Variants in ECT2L observed in about 807,000 individuals in gnomAD.
ECT2L encodes epithelial cell-transforming sequence 2 oncogene-like.
Under a neutral mutation model 122.8 loss-of-function variants are expected in ECT2L, and 126 were observed. The observed-to-expected ratio is 1.03, with a 90% CI of 0.89 to 1.19. ECT2L has a LOEUF of 1.19. ECT2L is among the 50% of genes most tolerant of loss of function. The probability of loss-of-function intolerance (pLI) is 0.00; values close to 1 mark genes in which losing one functional copy is unlikely to be tolerated. For missense variants in ECT2L, 1,012 were observed against 1,064.1 expected, an observed-to-expected ratio of 0.95 and a Z score of 0.68; for synonymous variants, 385 against 381.8, an observed-to-expected ratio of 1.01 and a Z score of -0.10.
At chr6:138,888,898 TA>T (rs758068432) in intron 19 of ECT2L, 44 bp from the exon 20 acceptor site, 14 of 1,070,102 alleles carry the variant, frequency 1.3e-5, no homozygotes, top group Middle Eastern at 3.0e-4. Flanking sequence ...TAATTTTATT[TA>T]AAAAAATTTA....
At chr6:138,809,827 C>A (rs762101395) in intron 1 of ECT2L, among the ~76,000 whole-genome samples, 2 of 152,098 alleles carry the variant, frequency 1.3e-5, no homozygotes, top group Non-Finnish European at 2.9e-5. Flanking sequence ...CTTCCTTGAA[C>A]GTTTAGTAGA....
At chr6:138,811,742 C>T (rs561221788) in intron 1 of ECT2L, among the ~76,000 whole-genome samples, 5 of 152,274 alleles carry the variant, frequency 3.3e-5, no homozygotes, top group East Asian at 3.9e-4. Flanking sequence ...TGCAGTGGCG[C>T]GATCATGGCT....
chr6:138,809,578 T>TC (rs1775823732), intron 1 of ECT2L, among the ~76,000 whole-genome samples: 1 of 152,242 alleles, frequency 6.6e-6, no homozygotes, highest in Admixed American at 6.5e-5. Context: ...TTTACATAAA[T>TC]CCAACTTGCT....
rs2128417375 is a variant in ECT2L, at chr6:138,903,752, A to G, written c.*1125A>G. The G allele has an allele frequency of 1.3e-5, 2 of 152,320 alleles. No homozygotes were observed. Among genetic ancestry groups the G allele is most frequent in the East Asian group, 3.9e-4 (2 of 5,190 alleles). 9.4% of individuals were successfully genotyped at this position (152,320 alleles called of 1,614,324 possible). ...GCTTTAAATTTATTATTTAACAACT[A>G]AAGCCATACTGAAAGCCACTTGGAA... On this transcript the variant is annotated 3_prime_UTR_variant, in exon 22 of 22. Coordinates refer to ENST00000541398, the MANE Select transcript of ECT2L (RefSeq NM_001077706.3).
intron 8 of ECT2L, among the ~76,000 whole-genome samples, chr6:138,847,282 C>CAAACAA (rs1777256688): frequency 7.3e-6 from 1 of 136,810 alleles, no homozygotes; most frequent in Admixed American, 7.3e-5. Context: ...CAAAACAAAA[C>CAAACAA]AAACAAAAAC....
intron 4 of ECT2L, among the ~76,000 whole-genome samples, chr6:138,819,873 C>T (rs1292239899): frequency 6.6e-6 from 1 of 150,742 alleles, no homozygotes; most frequent in East Asian, 1.9e-4. Context: ...GGCTACAGAG[C>T]AAGACTTCAT....
rs17068015 is a variant in ECT2L, at chr6:138,901,546, C to T, written c.2587+426C>T. 6.9e-4 allele frequency among the ~76,000 whole-genome samples: 105 copies of T among 152,298 alleles called. No individual in the cohort carries two copies. The East Asian group carries it at 0.018, about 25-fold the overall frequency. On this transcript the variant is annotated intron_variant, in intron 21 of 21. Coordinates refer to ENST00000541398, the MANE Select transcript of ECT2L (RefSeq NM_001077706.3). Reference sequence around the variant, plus strand: ...TACATATTTGACACTACCTTTCCTTCCTTAAGTTTGCATCTAAGCTAGGAG... The same window carrying T: ...TACATATTTGACACTACCTTTCCTTTCTTAAGTTTGCATCTAAGCTAGGAG...
At chr6:138,813,718 G>A (rs1410226896) in intron 3 of ECT2L, among the ~76,000 whole-genome samples, 1 of 152,160 alleles carries the variant, frequency 6.6e-6, no homozygotes, top group Non-Finnish European at 1.5e-5. Flanking sequence ...TGTGCCAACT[G>A]GATGGTTCCA....
chr6:138,823,069 G>A, intron 4 of ECT2L: 1 of 1,596,854 alleles, frequency 6.3e-7, no homozygotes, highest in Non-Finnish European at 8.5e-7. Context: ...TGGGTTTTAG[G>A]GAAAATAATG....
At chr6:138,886,944 C>A (rs1423492228) in intron 19 of ECT2L, 22 bp downstream of exon 19, 1 of 1,590,812 alleles carries the variant, frequency 6.3e-7, no homozygotes, top group Non-Finnish European at 8.6e-7. Flanking sequence ...TAGGAACTTG[C>A]TGTATCTCAT....
chr6:138,891,470 A>G (rs1001701281), intron 20 of ECT2L, among the ~76,000 whole-genome samples: 4 of 152,162 alleles, frequency 2.6e-5, no homozygotes, highest in East Asian at 3.9e-4. Flanking sequence ...CTTCATCTAC[A>G]TAAGAACACT....
intron 8 of ECT2L, among the ~76,000 whole-genome samples, chr6:138,847,589 G>C: frequency 6.7e-6 from 1 of 149,080 alleles, no homozygotes; most frequent in Non-Finnish European, 1.5e-5. Context: ...GTGTTAGCCA[G>C]GATGGTCTCG....
rs73778412 is a variant in ECT2L at position 138,822,731 on chromosome 6, A to G, written c.179+8128A>G. 5.1e-3 allele frequency: 8,165 copies of G among 1,585,816 alleles called. 233 individuals are homozygous for G. The African/African-American group carries it at 0.073, about 14-fold the overall frequency. On this transcript the variant is annotated intron_variant, in intron 4 of 21. Transcript: ENST00000541398. ...GAAGACGGGTGATTTCTGCATTTCC[A>G]TCTGAGATTGGAGCCATGGCTTTGG...
chr6:138,839,248 G>A (rs1027098963), intron 5 of ECT2L, among the ~76,000 whole-genome samples: 6 of 152,142 alleles, frequency 3.9e-5, no homozygotes, highest in African/African-American at 1.2e-4. Context: ...GCAGTTGAAA[G>A]CAGTTAACAG....
chr6:138,873,894 G>GTGTA lies in ECT2L; in HGVS notation c.1579-2575_1579-2574insATGT, dbSNP rs1554277008. ...GGACTGTGTGTGTGTGTGTGTGTGT[G>GTGTA]TGTGTGTGTGTGTGTGTGTGTCCAT... On this transcript the variant is annotated intron_variant, in intron 13 of 21. Transcript: ENST00000541398. 5.2e-4 allele frequency among the ~76,000 whole-genome samples: 76 copies of GTGTA among 145,932 alleles called. 1 individual carries two copies. Among genetic ancestry groups the GTGTA allele is most frequent in the Admixed American group, 3.6e-3 (53 of 14,816 alleles).
intron 4 of ECT2L, among the ~76,000 whole-genome samples, chr6:138,824,561 A>AAAAAAAAC (rs1554269892): frequency 1.0e-5 from 1 of 98,624 alleles, no homozygotes; most frequent in African/African-American, 3.6e-5. Flanking sequence ...AAAACTATAA[A>AAAAAAAAC]AAAAAACAAA....
At chr6:138,875,912 G>A (rs1778432780) in intron 13 of ECT2L, among the ~76,000 whole-genome samples, 1 of 152,158 alleles carries the variant, frequency 6.6e-6, no homozygotes, top group Non-Finnish European at 1.5e-5. Flanking sequence ...CCTGAGGTCA[G>A]GAGTTCCAGA....
chr6:138,851,101 C>T lies in ECT2L; in HGVS notation c.1069+1667C>T, dbSNP rs182006411. ...GCAGTTGCATCATTTCATAATCCCA[C>T]CAACAGTGCACGACATTTACAATCT... On this transcript the variant is annotated intron_variant, in intron 9 of 21. Coordinates refer to ENST00000541398, the MANE Select transcript of ECT2L (RefSeq NM_001077706.3). Among the ~76,000 whole-genome samples the T allele has an allele frequency of 1.9e-3, 285 of 151,568 alleles. 3 individuals carry two copies. The highest frequency in any genetic ancestry group is 0.015 in the Admixed American group (222 of 15,190).
intron 9 of ECT2L, among the ~76,000 whole-genome samples, chr6:138,853,358 T>C (rs1291249388): frequency 6.6e-6 from 1 of 152,198 alleles, no homozygotes; most frequent in Non-Finnish European, 1.5e-5. Flanking sequence ...CAAAAGCTTT[T>C]GCTTTAAAAA....
Sources: allele counts gnomAD v4.1 joint callset (sites outside exome capture counted in the v4.1 genomes callset), GRCh38; gene constraint gnomAD v4.1.1; transcripts MANE v1.5; gene names NCBI Gene and HGNC (gene_info 2026-07-23, HGNC 2026-07-21).